Variants in GRM7 observed in about 807,000 individuals in gnomAD.
The protein encoded by GRM7 is metabotropic glutamate receptor 7.
Under a neutral mutation model 84.5 loss-of-function variants are expected in GRM7, and 35 were observed. The ratio of observed to expected loss-of-function variants is 0.41; its 90% CI spans 0.32 to 0.55. The LOEUF (loss-of-function observed/expected upper bound fraction) is 0.55. Ranked by LOEUF, GRM7 falls within the 20% of genes least tolerant of loss-of-function variation. GRM7 has a pLI of 0.19. For synonymous variants in GRM7, 487 were observed against 455.1 expected (o/e 1.07, Z -0.89); for missense variants, 1,003 against 1,194.6 (o/e 0.84, Z 2.36).
chr3:7,123,192 T>C (rs554868582), intron 1 of GRM7, among the ~76,000 whole-genome samples: 31 of 152,360 alleles, frequency 2.0e-4, no homozygotes, highest in Middle Eastern at 3.4e-3. Flanking sequence ...GTAATGTGTG[T>C]TGAGAATGTT....
chr3:7,725,286 T>C (rs1195986932), intron 9 of GRM7, among the ~76,000 whole-genome samples: 2 of 152,046 alleles, frequency 1.3e-5, no homozygotes, highest in East Asian at 1.9e-4. Flanking sequence ...TTTGGGAATA[T>C]CTTGGGAAAA....
intron 7 of GRM7, among the ~76,000 whole-genome samples, chr3:7,469,041 G>A (rs1432816420): frequency 6.6e-6 from 1 of 152,170 alleles, no homozygotes; most frequent in Non-Finnish European, 1.5e-5. Context: ...GCACCCCCAA[G>A]CACCAAGCGT....
At chr3:7,423,294 C>T (rs1696473177) in intron 5 of GRM7, among the ~76,000 whole-genome samples, 1 of 152,180 alleles carries the variant, frequency 6.6e-6, no homozygotes, top group African/African-American at 2.4e-5. Context: ...ATGCTAGAAG[C>T]CATAATTATT....
intron 2 of GRM7, among the ~76,000 whole-genome samples, chr3:7,297,253 A>G (rs1183197314): frequency 6.6e-6 from 1 of 152,046 alleles, no homozygotes; most frequent in Admixed American, 6.6e-5. Context: ...TCTTTGATGC[A>G]TGGGTTATTT....
chr3:7,352,057 C>CACA (rs1277659188), intron 4 of GRM7, among the ~76,000 whole-genome samples: 53 of 136,964 alleles, frequency 3.9e-4, no homozygotes, highest in East Asian at 2.2e-4. Flanking sequence ...CACACACACA[C>CACA]CACACACACA....
chr3:7,726,206 G>A (rs924197915), intron 9 of GRM7, among the ~76,000 whole-genome samples: 13 of 151,906 alleles, frequency 8.6e-5, no homozygotes, highest in African/African-American at 3.1e-4. Flanking sequence ...CCCCTTAGAG[G>A]CCTCTTCAGA....
chr3:7,137,126 A>G (rs1056237241), intron 1 of GRM7, among the ~76,000 whole-genome samples: 2 of 152,074 alleles, frequency 1.3e-5, no homozygotes, highest in African/African-American at 4.8e-5. Context: ...CATTTTATTG[A>G]TGAGATATGA....
intron 1 of GRM7, among the ~76,000 whole-genome samples, chr3:6,952,254 C>T (rs1314969958): frequency 6.6e-6 from 1 of 152,200 alleles, no homozygotes; most frequent in African/African-American, 2.4e-5. Context: ...AAGTCCTCAA[C>T]CCACTATCCC....
Position 7,146,550 on chromosome 3 carries a change from C to A in GRM7, c.618C>A (p.Ala206=). 6.2e-7 allele frequency: 1 copy of A among 1,613,934 alleles called. No homozygotes were observed. Among genetic ancestry groups the A allele is most frequent in the Non-Finnish European group, 8.5e-7 (1 of 1,179,920 alleles). Residue 206 remains alanine, a synonymous_variant, in exon 2 of 10, where the codon GCC becomes GCA. Transcript: ENST00000357716. ...TGGTGCCACCCGATTCCTTCCAAGCCCAGGCCATGGTAGACATTGTAAAGG... is the reference window on the plus strand; with the variant it reads ...TGGTGCCACCCGATTCCTTCCAAGCACAGGCCATGGTAGACATTGTAAAGG... ...SRVVPPDSFQ[A]QAMVDIVKAL...
chr3:7,647,678 G>A (rs375878575), intron 8 of GRM7, among the ~76,000 whole-genome samples: 4 of 152,134 alleles, frequency 2.6e-5, no homozygotes, highest in African/African-American at 4.8e-5. Context: ...GGTGACTAGC[G>A]ATGGTGGCAG....
intron 1 of GRM7, among the ~76,000 whole-genome samples, chr3:6,932,747 C>T (rs865824744): frequency 7.7e-6 from 1 of 130,064 alleles, no homozygotes; most frequent in Admixed American, 8.0e-5. Context: ...TTTCTTCTTT[C>T]TCTCTTTTTT....
At chr3:7,153,133 A>ATTTT (rs34465661) in intron 2 of GRM7, among the ~76,000 whole-genome samples, 11 of 103,362 alleles carry the variant, frequency 1.1e-4, no homozygotes, top group African/African-American at 3.8e-4. Flanking sequence ...GGTACTGTGG[A>ATTTT]TTTTTTTTTT....
intron 7 of GRM7, among the ~76,000 whole-genome samples, chr3:7,499,358 G>A (rs186849855): frequency 2.0e-5 from 3 of 152,236 alleles, no homozygotes; most frequent in East Asian, 1.9e-4. Context: ...AGTTTTAAAC[G>A]GAGATGGCAC....
chr3:7,726,949 C>G (rs1265916338), intron 9 of GRM7, among the ~76,000 whole-genome samples: 1 of 151,642 alleles, frequency 6.6e-6, no homozygotes, highest in Middle Eastern at 3.2e-3. Context: ...AAAACAGTCT[C>G]ATCACATTTT....
chr3:7,356,336 C>T (rs770382679), intron 4 of GRM7, among the ~76,000 whole-genome samples: 4 of 151,548 alleles, frequency 2.6e-5, no homozygotes, highest in Non-Finnish European at 5.9e-5. Flanking sequence ...GAGTCTCACT[C>T]TGTCGCCCAG....
intron 4 of GRM7, among the ~76,000 whole-genome samples, chr3:7,348,533 C>A (rs1356329830): frequency 1.3e-5 from 2 of 152,034 alleles, no homozygotes. Flanking sequence ...ACCAAATAGA[C>A]CCCAAGTGCA....
At chr3:6,919,567 CT>C (rs35688405) in intron 1 of GRM7, among the ~76,000 whole-genome samples, 299 of 141,308 alleles carry the variant, frequency 2.1e-3, no homozygotes, top group East Asian at 4.3e-3. Context: ...TATTGTTCAT[CT>C]TTTTTTTTTT....
chr3:7,101,796 TTATA>T (rs1473767454), intron 1 of GRM7, among the ~76,000 whole-genome samples: 2 of 147,706 alleles, frequency 1.4e-5, no homozygotes, highest in African/African-American at 2.4e-5. Flanking sequence ...ATATAAAACT[TTATA>T]TATAAATATA....
intron 1 of GRM7, among the ~76,000 whole-genome samples, chr3:7,121,150 AG>A (rs1396408869): frequency 1.3e-5 from 2 of 152,198 alleles, no homozygotes. Flanking sequence ...TGTGACTGCC[AG>A]GAACACTCAT....
Sources: gnomAD v4.1 joint callset for allele counts (sites outside exome capture counted in the v4.1 genomes callset) on GRCh38, gnomAD v4.1.1 for gene constraint, MANE v1.5 for transcripts, NCBI Gene and HGNC (gene_info 2026-07-23, HGNC 2026-07-21) for gene names.